Variants in DNM3 observed in about 807,000 individuals in gnomAD.
DNM3 encodes the protein dynamin 3, also known as dynamin-3.
In DNM3, 47 loss-of-function variants were observed where a neutral mutation model predicts 101.6. The ratio of observed to expected loss-of-function variants is 0.46; its 90% CI spans 0.37 to 0.59. The LOEUF (loss-of-function observed/expected upper bound fraction) is 0.59, where lower values mean the gene tolerates loss of function less well. DNM3 is among the 20% of genes least tolerant of loss of function. The probability of loss-of-function intolerance (pLI) is 0.00; values close to 1 mark genes in which losing one functional copy is unlikely to be tolerated. For missense variants in DNM3, 849 were observed against 1,085.7 expected (o/e 0.78, Z 3.06); for synonymous variants, 385 against 387.9 (o/e 0.99, Z 0.09).
chr1:172,325,802 G>C (rs187422323), intron 17 of DNM3, among the ~76,000 whole-genome samples: 3 of 152,234 alleles, frequency 2.0e-5, no homozygotes, highest in Admixed American at 1.3e-4. Context: ...ACTTGCAAAG[G>C]CTTATTGTTT....
chr1:172,405,832 G>C (rs1198289689), intron 20 of DNM3, among the ~76,000 whole-genome samples: 1 of 151,496 alleles, frequency 6.6e-6, no homozygotes, highest in Non-Finnish European at 1.5e-5. Flanking sequence ...CTAAAGAACT[G>C]AGCAGTTAGA....
At chr1:172,300,407 G>A (rs2064386478) in intron 15 of DNM3, among the ~76,000 whole-genome samples, 1 of 151,974 alleles carries the variant, frequency 6.6e-6, no homozygotes, top group Non-Finnish European at 1.5e-5. Context: ...GGTCCCTCTT[G>A]TCAATTTTTA....
chr1:171,936,518 A>G (rs1339794039), intron 2 of DNM3, among the ~76,000 whole-genome samples: 1 of 152,224 alleles, frequency 6.6e-6, no homozygotes, highest in Admixed American at 6.5e-5. Flanking sequence ...TGACATTAGT[A>G]TAAGAAAGGA....
At chr1:172,152,723 C>A (rs2058183848) in intron 14 of DNM3, among the ~76,000 whole-genome samples, 1 of 152,086 alleles carries the variant, frequency 6.6e-6, no homozygotes, top group Non-Finnish European at 1.5e-5. Context: ...CTTAAAGCTA[C>A]CATTCCCACG....
chr1:172,116,956 A>G (rs978846052), intron 13 of DNM3, among the ~76,000 whole-genome samples: 2 of 152,032 alleles, frequency 1.3e-5, no homozygotes, highest in Non-Finnish European at 2.9e-5. Flanking sequence ...TTGTATTCCC[A>G]TCACTTTGGG....
intron 14 of DNM3, among the ~76,000 whole-genome samples, chr1:172,200,802 A>T (rs1216901663): frequency 6.6e-6 from 1 of 151,750 alleles, no homozygotes. Context: ...TTTTTGCCTT[A>T]TTGTGATTCT....
At chr1:171,851,745 C>T (rs1269118964) in intron 1 of DNM3, among the ~76,000 whole-genome samples, 1 of 152,166 alleles carries the variant, frequency 6.6e-6, no homozygotes, top group Non-Finnish European at 1.5e-5. Context: ...TAGATTGTGA[C>T]CTAATAGTGG....
intron 1 of DNM3, among the ~76,000 whole-genome samples, chr1:171,843,766 T>C (rs760424283): frequency 3.3e-5 from 5 of 152,190 alleles, no homozygotes; most frequent in Non-Finnish European, 7.4e-5. Flanking sequence ...CTAGCTATGT[T>C]CTTTTGGAAT....
At chr1:172,116,312 G>C (rs1369242752) in intron 13 of DNM3, among the ~76,000 whole-genome samples, 1 of 152,186 alleles carries the variant, frequency 6.6e-6, no homozygotes, top group South Asian at 2.1e-4. Context: ...ATTCTAAAGA[G>C]ACCCCACAGG....
intron 7 of DNM3, among the ~76,000 whole-genome samples, chr1:172,041,645 C>T (rs1398472126): frequency 2.6e-5 from 4 of 152,094 alleles, no homozygotes; most frequent in African/African-American, 9.7e-5. Flanking sequence ...ATTTGGGACA[C>T]TAGGTGGTTG....
At chr1:172,009,524 A>C (rs36119292) in intron 4 of DNM3, among the ~76,000 whole-genome samples, 4 of 151,702 alleles carry the variant, frequency 2.6e-5, no homozygotes, top group Non-Finnish European at 5.9e-5. Flanking sequence ...TAAAATTAAA[A>C]CTTAATAATT....
chr1:172,293,985 G>T (rs2064040425), intron 15 of DNM3, among the ~76,000 whole-genome samples: 1 of 152,132 alleles, frequency 6.6e-6, no homozygotes, highest in Non-Finnish European at 1.5e-5. Flanking sequence ...CATGACATTT[G>T]TCCAGTTCTA....
At chr1:172,277,990 T>C (rs2063350287) in intron 15 of DNM3, among the ~76,000 whole-genome samples, 1 of 152,144 alleles carries the variant, frequency 6.6e-6, no homozygotes, top group African/African-American at 2.4e-5. Context: ...AAGGAAAGCA[T>C]CTCTGAAAGC....
chr1:172,375,767 G>C (rs186749388), intron 17 of DNM3, among the ~76,000 whole-genome samples: 20 of 151,870 alleles, frequency 1.3e-4, no homozygotes, highest in African/African-American at 4.6e-4. Context: ...TCAGCTACTT[G>C]GGAGGCTGAG....
chr1:172,091,850 T>A (rs796543575), intron 12 of DNM3, among the ~76,000 whole-genome samples: 12 of 152,298 alleles, frequency 7.9e-5, no homozygotes, highest in African/African-American at 2.9e-4. Context: ...AGAGAATAAA[T>A]GATTACAGTA....
At chr1:171,907,223 G>T (rs1013132045) in intron 1 of DNM3, among the ~76,000 whole-genome samples, 1 of 152,206 alleles carries the variant, frequency 6.6e-6, no homozygotes, top group Non-Finnish European at 1.5e-5. Flanking sequence ...CGGGCGCAGT[G>T]GCTCATGCTT....
At chr1:171,997,534 C>A (rs999779285) in intron 4 of DNM3, among the ~76,000 whole-genome samples, 2 of 152,170 alleles carry the variant, frequency 1.3e-5, no homozygotes, top group African/African-American at 4.8e-5. Context: ...CAAAGGAGCA[C>A]TTCCTCCAGC....
intron 13 of DNM3, among the ~76,000 whole-genome samples, chr1:172,109,180 A>ATT (rs2055277663): frequency 6.6e-6 from 1 of 152,186 alleles, no homozygotes; most frequent in Admixed American, 6.5e-5. Context: ...TTCCTTACCT[A>ATT]GTCTACTAAA....
intron 14 of DNM3, among the ~76,000 whole-genome samples, chr1:172,233,460 T>C (rs541403629): frequency 6.6e-6 from 1 of 152,174 alleles, no homozygotes; most frequent in Admixed American, 6.5e-5. Context: ...CTACCAGAGG[T>C]ACAAGGAGGA....
Sources: gnomAD v4.1 joint callset for allele counts (sites outside exome capture counted in the v4.1 genomes callset) on GRCh38, gnomAD v4.1.1 for gene constraint, MANE v1.5 for transcripts, NCBI Gene and HGNC (gene_info 2026-07-23, HGNC 2026-07-21) for gene names.